Variants in MYOF observed in about 807,000 individuals in gnomAD.
The protein encoded by MYOF is myoferlin.
In MYOF, 244 loss-of-function variants were observed where a neutral mutation model predicts 284.2. The observed-to-expected ratio is 0.86, with a 90% CI of 0.77 to 0.95. The LOEUF (loss-of-function observed/expected upper bound fraction) is 0.95. MYOF is among the 40% of genes least tolerant of loss of function. The pLI, the probability that MYOF is intolerant of heterozygous loss-of-function variation, is 0.00. For missense variants in MYOF, 2,496 were observed against 2,560.6 expected (o/e 0.97, Z 0.54); for synonymous variants, 904 against 919.7 (o/e 0.98, Z 0.31).
chr10:93,329,782 CAG>C lies in MYOF; in HGVS notation c.4862_4863del (p.Ser1621CysfsTer3). On this transcript the variant is annotated frameshift_variant, in exon 44 of 54. Coordinates refer to ENST00000359263, the MANE Select transcript of MYOF (RefSeq NM_013451.4). LOFTEE classifies it high-confidence loss of function. ...YLPQEKDLKI[S>X]VYDYDTFTRD... ...CGGGTAAAGGTGTCATAATCATAGA[CAG>C]AAATTTTCAGGTCTTTTTCTTGAGG... The C allele has an allele frequency of 3.1e-6, 5 of 1,614,184 alleles. No individual in the cohort carries two copies. Among genetic ancestry groups the C allele is most frequent in the Non-Finnish European group, 3.4e-6 (4 of 1,180,038 alleles).
rs765356263 is a variant in MYOF at position 93,307,020 on chromosome 10, CAG to C, written c.6148-21_6148-20del. ...AATAGTTCTGGAAAGGAAACAAAAA[CAG>C]TGGTAAAAAAACATGTATGTATATA... is the stretch of plus-strand genomic sequence containing the variant. On this transcript the variant is annotated intron_variant, in intron 53 of 53. Coordinates refer to ENST00000359263, the MANE Select transcript of MYOF (RefSeq NM_013451.4). 6.2e-7 allele frequency: 1 copy of C among 1,606,478 alleles called. No individual in the cohort carries two copies. The highest frequency in any genetic ancestry group is 8.5e-7 in the Non-Finnish European group (1 of 1,174,586).
chr10:93,396,241 A>G lies in MYOF; in HGVS notation c.1335-17T>C, dbSNP rs3818977. 1,956 of 1,514,720 alleles carry G rather than the reference A, an allele frequency of 1.3e-3. 21 individuals carry two copies. The East Asian group carries it at 0.035, about 27-fold the overall frequency. The allele number at this position is 1,514,720 out of a possible 1,614,324, so 93.8% of individuals were successfully genotyped here. The stretch of plus-strand genomic sequence containing the variant: ...AGACGGTCCCTGTGTAAAAAATAAA[A>G]ATAAAAAAATAAAAAATAAAAGGTT... On this transcript the variant is annotated splice_polypyrimidine_tract_variant and intron_variant, in intron 15 of 53. Transcript: ENST00000359263.
chr10:93,317,241 G>A (rs1842653161), intron 49 of MYOF, among the ~76,000 whole-genome samples: 1 of 117,928 alleles, frequency 8.5e-6, no homozygotes, highest in Middle Eastern at 4.2e-3. Flanking sequence ...AGATGTCTGA[G>A]TATGCTCTCA....
Position 93,482,090 on chromosome 10 carries a change from A to C in MYOF, c.88+17T>G. 1 of 1,607,174 alleles carries C rather than the reference A, an allele frequency of 6.2e-7. No homozygotes were observed. Among genetic ancestry groups the C allele is most frequent in the Non-Finnish European group, 8.5e-7 (1 of 1,173,864 alleles). On this transcript the variant is annotated intron_variant, in intron 1 of 53. Transcript: ENST00000359263. ...TCCAAAACAGGACTTCAGAAAAAGAAGAAAACTTTTTCTTACCCTTAAAAA... is the reference window on the plus strand; with the variant it reads ...TCCAAAACAGGACTTCAGAAAAAGACGAAAACTTTTTCTTACCCTTAAAAA...
chr10:93,434,070 A>G (rs1439779209), intron 3 of MYOF, among the ~76,000 whole-genome samples: 2 of 152,182 alleles, frequency 1.3e-5, no homozygotes, highest in African/African-American at 4.8e-5. Context: ...ACTTTCTTGT[A>G]AAGAACACCA....
chr10:93,428,073 G>GCACA (rs1848674309), intron 4 of MYOF, among the ~76,000 whole-genome samples: 1 of 151,890 alleles, frequency 6.6e-6, no homozygotes, highest in Non-Finnish European at 1.5e-5. Context: ...AATAAGGATG[G>GCACA]CACACACGTA....
intron 19 of MYOF, 122 bp downstream of exon 19, chr10:93,387,675 T>C: frequency 1.3e-6 from 1 of 761,410 alleles, no homozygotes; most frequent in Non-Finnish European, 2.3e-6. Context: ...AGGGCTGTTG[T>C]AGAAACATCC....
intron 4 of MYOF, among the ~76,000 whole-genome samples, chr10:93,431,054 G>A (rs898892208): frequency 1.6e-5 from 2 of 123,954 alleles, no homozygotes; most frequent in Non-Finnish European, 3.4e-5. Context: ...TTGAGATGGA[G>A]TTTCTCTCTT....
At chr10:93,406,287 T>A (rs1260695199) in intron 7 of MYOF, among the ~76,000 whole-genome samples, 1 of 72,622 alleles carries the variant, frequency 1.4e-5, no homozygotes, top group East Asian at 5.1e-4. Context: ...GTAAACCTCT[T>A]TTATATATAT....
chr10:93,404,197 A>G lies in MYOF; in HGVS notation c.752T>C (p.Met251Thr). The change falls in exon 8 of 54, where the codon ATG becomes ACG. Residue 251 changes from methionine (M) to threonine (T), a missense_variant. By Grantham distance (81) the Met-to-Thr change is moderately conservative. Around this residue, in one of 3 missense-constraint regions of MYOF, gnomAD observed 2,436 missense variants for 2,480.7 expected, o/e 0.98. Coordinates refer to ENST00000359263, the MANE Select transcript of MYOF (RefSeq NM_013451.4). The stretch of plus-strand genomic sequence containing the variant: ...CTCATCCATCAATTCAGAAGGGGTC[A>G]TGTTGACATTGTAGAAAAACAACTG... ...FDELFFYNVN[M>T]TPSELMDEII... 6.2e-7 allele frequency: 1 copy of G among 1,614,218 alleles called. No homozygotes were observed. The highest frequency in any genetic ancestry group is 8.5e-7 in the Non-Finnish European group (1 of 1,180,026).
chr10:93,379,731 C>A (rs1399709667), intron 21 of MYOF, 132 bp downstream of exon 21: 69 of 1,163,438 alleles, frequency 5.9e-5, no homozygotes, highest in Middle Eastern at 5.4e-4. Context: ...CTCCACTGTT[C>A]CTAGAGACAT....
chr10:93,405,589 C>CGG (rs1296024092), intron 7 of MYOF, among the ~76,000 whole-genome samples: 2 of 151,814 alleles, frequency 1.3e-5, no homozygotes, highest in African/African-American at 4.8e-5. Context: ...CCACCATGCC[C>CGG]GTTGTTTTGT....
chr10:93,347,545 C>A (rs537344349), intron 37 of MYOF, 72 bp downstream of exon 37: 10,538 of 965,692 alleles, frequency 0.011, 50 homozygotes, highest in Non-Finnish European at 0.013. Flanking sequence ...GGCGACAGAG[C>A]GAGACTCCGT....
intron 39 of MYOF, chr10:93,338,333 T>C (rs1327985408): frequency 2.2e-6 from 1 of 457,590 alleles, no homozygotes; most frequent in East Asian, 6.9e-5. Context: ...TGTAATACAA[T>C]ACTCACTAGC....
chr10:93,343,580 C>G (rs1320148982), intron 38 of MYOF, among the ~76,000 whole-genome samples: 1 of 152,228 alleles, frequency 6.6e-6, no homozygotes, highest in Non-Finnish European at 1.5e-5. Flanking sequence ...CTAGGTCCCT[C>G]TCCCTCTTGG....
At chr10:93,450,410 C>A (rs1464487837) in intron 3 of MYOF, among the ~76,000 whole-genome samples, 1 of 150,740 alleles carries the variant, frequency 6.6e-6, no homozygotes, top group Non-Finnish European at 1.5e-5. Context: ...AACAAACAAA[C>A]AAAAACCACA....
At chr10:93,401,794 T>TGTGTG (rs1386707248) in intron 11 of MYOF, among the ~76,000 whole-genome samples, 1 of 9,456 alleles carries the variant, frequency 1.1e-4, no homozygotes, top group African/African-American at 1.7e-4. Context: ...AGCCTGTGCG[T>TGTGTG]GTGTGTGTGT....
chr10:93,349,694 G>A (rs1844409619), intron 36 of MYOF, 114 bp downstream of exon 36: 1 of 1,267,054 alleles, frequency 7.9e-7, no homozygotes, highest in Non-Finnish European at 1.1e-6. Context: ...ATAAGGCAGG[G>A]TTTTTCTATT....
At chr10:93,374,376 T>C (rs1297509932) in intron 23 of MYOF, among the ~76,000 whole-genome samples, 2 of 152,224 alleles carry the variant, frequency 1.3e-5, no homozygotes, top group African/African-American at 4.8e-5. Context: ...TCAGAGAGGT[T>C]GAATAACTTG....
Sources: gnomAD v4.1 joint callset for allele counts (sites outside exome capture counted in the v4.1 genomes callset) on GRCh38, gnomAD v4.1.1 for gene constraint, gnomAD v4.1.1 regional missense constraint, MANE v1.5 for transcripts, NCBI Gene and HGNC (gene_info 2026-07-23, HGNC 2026-07-21) for gene names.